FHIT: variants seen among roughly 807,000 people sequenced by gnomAD.
FHIT encodes fragile histidine triad diadenosine triphosphatase.
FHIT carries 19 observed loss-of-function variants against 17.9 expected under a neutral mutation model. The observed-to-expected ratio is 1.06, with a 90% confidence interval of 0.74 to 1.56. FHIT has a LOEUF of 1.56. Ranked by LOEUF, FHIT falls within the 40% of genes most tolerant of loss-of-function variation. The probability of loss-of-function intolerance (pLI) is 0.00; values close to 1 mark genes in which losing one functional copy is unlikely to be tolerated. For missense variants in FHIT, 248 were observed against 189.2 expected, an observed-to-expected ratio of 1.31 and a Z score of -1.82; for synonymous variants, 81 against 69.7, an observed-to-expected ratio of 1.16 and a Z score of -0.81.
At chr3:59,964,227 T>C (rs765013608) in intron 7 of FHIT, among the ~76,000 whole-genome samples, 1 of 152,188 alleles carries the variant, frequency 6.6e-6, no homozygotes, top group East Asian at 1.9e-4. Flanking sequence ...AAATTGCTTT[T>C]AGACCCAGAA....
chr3:61,189,799 T>C (rs1207579517), intron 2 of FHIT, among the ~76,000 whole-genome samples: 14 of 151,616 alleles, frequency 9.2e-5, no homozygotes, highest in African/African-American at 3.2e-4. Flanking sequence ...AACTATCTGA[T>C]CTTTGACAAA....
In FHIT at chr3:60,950,494, T is replaced by TGA. The variant is rs1708829986; in HGVS notation, c.-111+91552_-111+91553insTC. On this transcript the variant is annotated intron_variant, in intron 3 of 9. Coordinates refer to ENST00000492590, the MANE Select transcript of FHIT (RefSeq NM_002012.4). ...GGTAGGGCTTTTTTTTCTTTTTTTT[T>TGA]TTTTGAGACGGAGTCTTGCTTTGTC... 1.3e-5 allele frequency among the ~76,000 whole-genome samples: 2 copies of TGA among 151,718 alleles called. 1 individual carries two copies. The highest frequency in any genetic ancestry group is 4.8e-5 in the African/African-American group (2 of 41,276).
At chr3:61,017,681 G>T (rs942478080) in intron 3 of FHIT, among the ~76,000 whole-genome samples, 2 of 152,178 alleles carry the variant, frequency 1.3e-5, no homozygotes, top group African/African-American at 4.8e-5. Context: ...CTCTAGGAAA[G>T]ATATAAATGA....
chr3:60,204,554 G>C (rs1703077207), intron 5 of FHIT, among the ~76,000 whole-genome samples: 1 of 151,350 alleles, frequency 6.6e-6, no homozygotes, highest in African/African-American at 2.4e-5. Flanking sequence ...GCCTCCCAAA[G>C]TGCTGGGATT....
chr3:60,405,397 G>A (rs557040401), intron 5 of FHIT, among the ~76,000 whole-genome samples: 4 of 152,282 alleles, frequency 2.6e-5, no homozygotes, highest in African/African-American at 7.2e-5. Context: ...ATACATGGGG[G>A]ACTTTCCCGC....
chr3:60,021,106 A>G (rs1700537667), intron 5 of FHIT, among the ~76,000 whole-genome samples: 2 of 152,220 alleles, frequency 1.3e-5, no homozygotes, highest in Non-Finnish European at 2.9e-5. Context: ...GATAAATTCC[A>G]GAGCAGTGTG....
intron 4 of FHIT, among the ~76,000 whole-genome samples, chr3:60,637,640 C>G (rs1553684272): frequency 1.3e-5 from 2 of 152,160 alleles, no homozygotes; most frequent in African/African-American, 4.8e-5. Context: ...TAGATTATTT[C>G]AATTATCATT....
At chr3:60,279,350 A>G (rs1311951696) in intron 5 of FHIT, among the ~76,000 whole-genome samples, 1 of 152,174 alleles carries the variant, frequency 6.6e-6, no homozygotes, top group East Asian at 1.9e-4. Flanking sequence ...AGAAATAGAT[A>G]ATCTGAATAG....
intron 5 of FHIT, among the ~76,000 whole-genome samples, chr3:60,124,361 G>A (rs1353927074): frequency 6.6e-6 from 1 of 151,638 alleles, no homozygotes; most frequent in African/African-American, 2.4e-5. Flanking sequence ...CTAAAACCAG[G>A]TTCATTAATA....
intron 7 of FHIT, among the ~76,000 whole-genome samples, chr3:59,965,149 G>C (rs905356256): frequency 3.3e-5 from 5 of 152,092 alleles, no homozygotes; most frequent in Admixed American, 2.0e-4. Context: ...GTTATATTAT[G>C]ACAGCAATCA....
intron 8 of FHIT, among the ~76,000 whole-genome samples, chr3:59,827,221 G>T (rs1701009180): frequency 6.6e-6 from 1 of 152,184 alleles, no homozygotes; most frequent in East Asian, 1.9e-4. Context: ...ACCAGGCCCT[G>T]CAGTCAAAGA....
chr3:60,164,549 C>T (rs984502845), intron 5 of FHIT, among the ~76,000 whole-genome samples: 1 of 151,972 alleles, frequency 6.6e-6, no homozygotes, highest in Non-Finnish European at 1.5e-5. Context: ...TTTGACATTC[C>T]AATCTCTAAC....
chr3:60,919,469 C>T (rs1462833231), intron 3 of FHIT, among the ~76,000 whole-genome samples: 2 of 149,500 alleles, frequency 1.3e-5, no homozygotes, highest in East Asian at 3.9e-4. Flanking sequence ...TCACAAAATA[C>T]TCAAATAGGG....
intron 3 of FHIT, among the ~76,000 whole-genome samples, chr3:60,823,499 C>G (rs1839071): frequency 0.59 from 89,766 of 152,008 alleles, 27,763 homozygotes; most frequent in African/African-American, 0.76. Flanking sequence ...CAGAGACACA[C>G]GGGAGAAGGA....
intron 3 of FHIT, among the ~76,000 whole-genome samples, chr3:60,892,876 C>T (rs550313243): frequency 7.9e-5 from 12 of 152,208 alleles, no homozygotes; most frequent in African/African-American, 2.9e-4. Context: ...GTTAAAATAT[C>T]CATGCATGGA....
chr3:60,005,036 G>T (rs778945973), intron 7 of FHIT, among the ~76,000 whole-genome samples: 5 of 152,078 alleles, frequency 3.3e-5, no homozygotes, highest in African/African-American at 4.8e-5. Flanking sequence ...TCATGCACCT[G>T]GTAGGCGACA....
chr3:61,186,829 T>C (rs1376171670), intron 2 of FHIT, among the ~76,000 whole-genome samples: 1 of 152,210 alleles, frequency 6.6e-6, no homozygotes, highest in African/African-American at 2.4e-5. Context: ...AACTCTGAAC[T>C]CTCTTCACCC....
chr3:59,956,163 T>C (rs1291845928), intron 7 of FHIT, among the ~76,000 whole-genome samples: 3 of 152,156 alleles, frequency 2.0e-5, no homozygotes. Flanking sequence ...TGCTCAGGTC[T>C]TTAGTCAGCA....
At chr3:60,091,591 C>G (rs546634201) in intron 5 of FHIT, among the ~76,000 whole-genome samples, 2 of 152,106 alleles carry the variant, frequency 1.3e-5, no homozygotes, top group Non-Finnish European at 2.9e-5. Flanking sequence ...CCAAATTTCA[C>G]GTGGGATTGT....
Sources: gnomAD v4.1 joint callset for allele counts (sites outside exome capture counted in the v4.1 genomes callset) on GRCh38, gnomAD v4.1.1 for gene constraint, MANE v1.5 for transcripts, NCBI Gene and HGNC (gene_info 2026-07-23, HGNC 2026-07-21) for gene names.